The following AP2A1 variants were observed in gnomAD, a reference collection of about 807,000 sequenced individuals.
The protein encoded by AP2A1 is adaptor related protein complex 2 subunit alpha 1, also known as AP-2 complex subunit alpha-1.
In AP2A1, 21 loss-of-function variants were observed where a neutral mutation model predicts 107.3. The ratio of observed to expected loss-of-function variants is 0.20; its 90% CI spans 0.14 to 0.28. AP2A1 has a LOEUF of 0.28. AP2A1 is among the 10% of genes least tolerant of loss of function. The pLI is 1.00. For missense variants in AP2A1, 873 were observed against 1,307.7 expected (o/e 0.67, Z 5.13); for synonymous variants, 602 against 564.8 (o/e 1.07, Z -0.93).
At chr19:49,800,695 T>C (rs761457729) in intron 11 of AP2A1, 3 of 383,446 alleles carry the variant, frequency 7.8e-6, no homozygotes, top group Middle Eastern at 7.6e-4. Flanking sequence ...GGTTTGAAAC[T>C]CCTGAGCTCA....
intron 1 of AP2A1, among the ~76,000 whole-genome samples, 199 bp downstream of exon 1, chr19:49,767,399 C>A (rs2084513840): frequency 6.6e-6 from 1 of 151,710 alleles, no homozygotes. Context: ...CTTGAGGTGA[C>A]GACACGGAGT....
chr19:49,772,355 G>A (rs2084571517), intron 1 of AP2A1, among the ~76,000 whole-genome samples: 2 of 136,500 alleles, frequency 1.5e-5, no homozygotes, highest in Admixed American at 1.7e-4. Flanking sequence ...CACCTCCCGG[G>A]TTCACGGAGA....
chr19:49,778,147 G>A (rs2084636123), intron 1 of AP2A1, among the ~76,000 whole-genome samples: 1 of 152,002 alleles, frequency 6.6e-6, no homozygotes. Context: ...GTGTATTAAC[G>A]ATGGGGATAT....
intron 1 of AP2A1, among the ~76,000 whole-genome samples, chr19:49,780,841 A>C (rs970992902): frequency 3.3e-5 from 5 of 152,164 alleles, no homozygotes; most frequent in Admixed American, 6.5e-5. Flanking sequence ...GCACCACTGC[A>C]CTGCAGCCTG....
chr19:49,805,279 A>T, intron 18 of AP2A1, 174 bp from the exon 19 acceptor site: 1 of 722,606 alleles, frequency 1.4e-6, no homozygotes, highest in Non-Finnish European at 2.1e-6. Flanking sequence ...GGCGCCTCAG[A>T]GGTTTCCATA....
chr19:49,802,778 C>T (rs2073306930), intron 15 of AP2A1, 171 bp from the exon 16 acceptor site: 1 of 1,000,216 alleles, frequency 1.0e-6, no homozygotes. Context: ...GGTTCTATTC[C>T]CATTGGAGGC....
At position 49,801,711 on chromosome 19, in the gene AP2A1, G is replaced by T; in HGVS notation, c.1786-11G>T. Reference sequence around the variant, plus strand: ...GACCCGAACTGACCTTCCCCACCCCGACCGCGCCAGGCCACGGTGCTGGAG... The same window carrying T: ...GACCCGAACTGACCTTCCCCACCCCTACCGCGCCAGGCCACGGTGCTGGAG... On this transcript the variant is annotated splice_polypyrimidine_tract_variant and intron_variant, in intron 13 of 22. Transcript: ENST00000354293. 1 of 1,242,126 alleles carries T rather than the reference G, an allele frequency of 8.1e-7. No individual in the cohort carries two copies. The highest frequency in any genetic ancestry group is 1.3e-5 in the South Asian group (1 of 78,556). The allele number at this position is 1,242,126 out of a possible 1,614,324, so 76.9% of individuals were successfully genotyped here. A position where few individuals can be genotyped will look rare whatever the true frequency, so the allele number is the denominator to read the frequency against.
chr19:49,771,791 ATG>A (rs2084560987), intron 1 of AP2A1, among the ~76,000 whole-genome samples: 1 of 152,024 alleles, frequency 6.6e-6, no homozygotes, highest in African/African-American at 2.4e-5. Flanking sequence ...TGTTGAGAGA[ATG>A]GGGATTCTGT....
At chr19:49,776,652 C>T (rs906019834) in intron 1 of AP2A1, among the ~76,000 whole-genome samples, 14 of 152,240 alleles carry the variant, frequency 9.2e-5, no homozygotes, top group Admixed American at 2.0e-4. Flanking sequence ...CCCTGAATGC[C>T]GGGTCATTCT....
chr19:49,787,333 TGTTTGTTTTTTTTGTTTTTTG>T lies in AP2A1; in HGVS notation c.474-4601_474-4581del, dbSNP rs1428448829. 6.4e-4 allele frequency among the ~76,000 whole-genome samples: 82 copies of T among 127,238 alleles called. 4 individuals carry two copies. Among genetic ancestry groups the T allele is most frequent in the African/African-American group, 2.7e-3 (79 of 29,182 alleles). The allele number at this position is 127,238 out of a possible 152,430, so 83.5% of individuals were successfully genotyped here. A position where few individuals can be genotyped will look rare whatever the true frequency, so the allele number is the denominator to read the frequency against. On this transcript the variant is annotated intron_variant, in intron 4 of 22. Coordinates refer to ENST00000354293, the MANE Select transcript of AP2A1 (RefSeq NM_130787.3). Reference sequence around the variant, plus strand: ...CCACCACTCCCATCTAGGCTTTTTTTGTTTGTTTTTTTTGTTTTTTGTTTTTTTTTTTTTGAGGCAGTCTCT... The same window carrying T: ...CCACCACTCCCATCTAGGCTTTTTTTTTTTTTTTTTTTTGAGGCAGTCTCT...
intron 1 of AP2A1, among the ~76,000 whole-genome samples, chr19:49,772,992 G>A (rs1315369632): frequency 6.6e-6 from 1 of 151,912 alleles, no homozygotes; most frequent in African/African-American, 2.4e-5. Context: ...GGAGGGATGC[G>A]GAGGAGGAGG....
rs186976456 is a variant in AP2A1 at position 49,789,826 on chromosome 19, C to A, written c.474-2109C>A. The stretch of plus-strand genomic sequence containing the variant: ...TCAGAGAGGGTCAGTGGCTTACCCC[C>A]ATCTGTGCCCCACAGTCACAACCTC... On this transcript the variant is annotated intron_variant, in intron 4 of 22. Coordinates refer to ENST00000354293, the MANE Select transcript of AP2A1 (RefSeq NM_130787.3). Among the ~76,000 whole-genome samples the A allele has an allele frequency of 2.7e-3, 411 of 152,312 alleles. 1 individual carries two copies. The highest frequency in any genetic ancestry group is 9.2e-3 in the African/African-American group (384 of 41,562).
chr19:49,792,822 C>T (rs568749388), intron 5 of AP2A1, among the ~76,000 whole-genome samples, 169 bp from the exon 6 acceptor site: 89 of 152,246 alleles, frequency 5.8e-4, no homozygotes, highest in African/African-American at 7.7e-4. Context: ...CCCGAGGCCC[C>T]GTGGCCTCCT....
intron 4 of AP2A1, among the ~76,000 whole-genome samples, chr19:49,786,216 G>A (rs765750281): frequency 2.6e-5 from 4 of 152,194 alleles, no homozygotes; most frequent in African/African-American, 4.8e-5. Flanking sequence ...CTAGGTGACA[G>A]TGACACCCTG....
At chr19:49,804,359 G>C (rs1321927234) in intron 18 of AP2A1, 1 of 152,100 alleles carries the variant, frequency 6.6e-6, no homozygotes, top group Non-Finnish European at 1.5e-5. Flanking sequence ...GGCTAACATG[G>C]TGAAACCCCT....
chr19:49,803,141 A>T lies in AP2A1; in HGVS notation c.2206A>T (p.Asn736Tyr), dbSNP rs2073313839. The T allele has an allele frequency of 6.2e-7, 1 of 1,613,786 alleles. No homozygotes were observed. The highest frequency in any genetic ancestry group is 8.5e-7 in the Non-Finnish European group (1 of 1,179,876). The change falls in exon 17 of 23, where the codon AAC becomes TAC. Residue 736 changes from asparagine (N) to tyrosine (Y), a missense_variant. Physicochemically the swap from Asn to Tyr is moderately radical, Grantham distance 143. Transcript: ENST00000354293. ...TAAGAACAACGGGGTCCTGTTCGAG[A>T]ACCAGCTGCTGCAGATCGGAGTCAA... is the stretch of plus-strand genomic sequence containing the variant. Reference protein sequence around the residue: ...VCKNNGVLFENQLLQIGVKSE... With the variant: ...VCKNNGVLFEYQLLQIGVKSE...
Position 49,802,115 on chromosome 19 carries a change from G to T in AP2A1, c.2088G>T (p.Gly696=). Residue 696 remains glycine (G), a synonymous_variant, in exon 15 of 23, where the codon GGG becomes GGT. Transcript: ENST00000354293. The stretch of plus-strand genomic sequence containing the variant: ...GCCCGGCCGCCCAGCCCAGCCTGGG[G>T]CCCACCCCCGAGGAGGCCTTCCTCA... ...FDGPAAQPSL[G]PTPEEAFLSP... is the part of the protein sequence containing the mutation. The T allele has an allele frequency of 1.3e-6, 2 of 1,583,002 alleles. No homozygotes were observed. The highest frequency in any genetic ancestry group is 1.7e-6 in the Non-Finnish European group (2 of 1,171,216).
At chr19:49,795,587 T>G in intron 6 of AP2A1, 43 bp from the exon 7 acceptor site, 5 of 292,402 alleles carry the variant, frequency 1.7e-5, no homozygotes, top group Non-Finnish European at 1.3e-5. Flanking sequence ...CACGTGCCCC[T>G]CCCACCCCAG....
At chr19:49,779,735 A>G (rs2084654913) in intron 1 of AP2A1, among the ~76,000 whole-genome samples, 1 of 152,104 alleles carries the variant, frequency 6.6e-6, no homozygotes, top group Non-Finnish European at 1.5e-5. Flanking sequence ...TTTTTACTGA[A>G]ATATTTTACA....
Sources: allele counts gnomAD v4.1 joint callset (sites outside exome capture counted in the v4.1 genomes callset), GRCh38; gene constraint gnomAD v4.1.1; transcripts MANE v1.5; gene names NCBI Gene and HGNC (gene_info 2026-07-23, HGNC 2026-07-21).